AAK1: variants seen among roughly 807,000 people sequenced by gnomAD.
The protein encoded by AAK1 is AP2-associated protein kinase 1.
In AAK1, 37 loss-of-function variants were observed where a neutral mutation model predicts 116.0. The observed-to-expected ratio is 0.32, with a 90% CI of 0.25 to 0.42. AAK1 has a LOEUF of 0.42. Ranked by LOEUF, AAK1 falls within the 10% of genes least tolerant of loss-of-function variation. The pLI is 1.00. For synonymous variants in AAK1, 458 were observed against 439.9 expected (o/e 1.04, Z -0.51); for missense variants, 919 against 1,170.6 (o/e 0.79, Z 3.14).
intron 12 of AAK1, among the ~76,000 whole-genome samples, chr2:69,517,906 G>C (rs1025225690): frequency 6.6e-6 from 1 of 152,144 alleles, no homozygotes; most frequent in Admixed American, 6.5e-5. Context: ...TGGGAGGATG[G>C]CTTGAGGCCG....
chr2:69,598,866 G>T, intron 2 of AAK1: 1 of 278,654 alleles, frequency 3.6e-6, no homozygotes, highest in Non-Finnish European at 7.1e-6. Context: ...TGTCAACTCA[G>T]ATGTGTGATT....
intron 16 of AAK1, among the ~76,000 whole-genome samples, chr2:69,503,556 G>C (rs1028817025): frequency 5.3e-5 from 8 of 152,168 alleles, no homozygotes; most frequent in African/African-American, 1.9e-4. Flanking sequence ...ATCTCACGCT[G>C]TTGCCCAGGC....
At chr2:69,621,338 G>A (rs7557768) in intron 2 of AAK1, among the ~76,000 whole-genome samples, 2,289 of 152,268 alleles carry the variant, frequency 0.015, 60 homozygotes, top group African/African-American at 0.051. Flanking sequence ...GATTAGCCGG[G>A]CTTGGTGGTG....
At chr2:69,614,197 T>C (rs1424707702) in intron 2 of AAK1, among the ~76,000 whole-genome samples, 1 of 152,212 alleles carries the variant, frequency 6.6e-6, no homozygotes, top group Non-Finnish European at 1.5e-5. Context: ...AAATGCCTAC[T>C]TCTGTTTCAT....
intron 2 of AAK1, among the ~76,000 whole-genome samples, chr2:69,570,676 T>A (rs1004471715): frequency 6.6e-6 from 1 of 152,204 alleles, no homozygotes; most frequent in Non-Finnish European, 1.5e-5. Context: ...TCAGGGCTAA[T>A]ACAGTGCTTA....
At chr2:69,513,653 C>T (rs2104979757) in intron 13 of AAK1, among the ~76,000 whole-genome samples, 1 of 152,188 alleles carries the variant, frequency 6.6e-6, no homozygotes, top group East Asian at 1.9e-4. Flanking sequence ...TTCCTTTGTT[C>T]CTCTAGTAGT....
In AAK1 at chr2:69,467,549, A is replaced by T; in HGVS notation, c.*8320T>A. The stretch of plus-strand genomic sequence containing the variant: ...TTGGGGGTAAAGGTATCATTTCATC[A>T]TGGGCTCAGTAAAGAGATACTACTG... On this transcript the variant is annotated 3_prime_UTR_variant, in exon 22 of 22. Coordinates refer to ENST00000409085, the MANE Select transcript of AAK1 (RefSeq NM_014911.5). 1.0e-6 allele frequency: 1 copy of T among 985,424 alleles called. No individual in the cohort carries two copies. Among genetic ancestry groups the T allele is most frequent in the Non-Finnish European group, 1.2e-6 (1 of 829,922 alleles). 61.0% of individuals were successfully genotyped at this position (985,424 alleles called of 1,614,324 possible).
intron 17 of AAK1, among the ~76,000 whole-genome samples, chr2:69,486,974 C>T (rs1572886434): frequency 1.3e-5 from 2 of 152,146 alleles, no homozygotes; most frequent in East Asian, 3.8e-4. Flanking sequence ...TCAGCCTTCT[C>T]CTCTATGAAT....
intron 2 of AAK1, among the ~76,000 whole-genome samples, chr2:69,580,066 A>G (rs994880039): frequency 3.9e-5 from 6 of 152,020 alleles, no homozygotes; most frequent in African/African-American, 1.4e-4. Context: ...CCTCTCCCCA[A>G]TATCCAACTA....
intron 3 of AAK1, 108 bp downstream of exon 3, chr2:69,556,752 C>T (rs1394231960): frequency 7.7e-6 from 6 of 776,544 alleles, no homozygotes; most frequent in South Asian, 6.4e-5. Context: ...TGTACAGAGG[C>T]CTCTGTACCA....
chr2:69,616,054 G>A (rs940335164), intron 2 of AAK1, among the ~76,000 whole-genome samples: 6 of 152,154 alleles, frequency 3.9e-5, no homozygotes, highest in African/African-American at 1.2e-4. Context: ...TGGGCAACAC[G>A]GCAAAACCCT....
chr2:69,504,095 G>T (rs1405754524), intron 16 of AAK1, among the ~76,000 whole-genome samples: 2 of 151,854 alleles, frequency 1.3e-5, no homozygotes, highest in Admixed American at 6.6e-5. Context: ...TTCAAAATAT[G>T]ACTATAAAGA....
intron 8 of AAK1, among the ~76,000 whole-genome samples, chr2:69,528,751 G>T (rs1350610680): frequency 1.3e-5 from 2 of 152,134 alleles, no homozygotes; most frequent in Non-Finnish European, 2.9e-5. Context: ...CAAGCAGTTT[G>T]GGAAAGATGT....
chr2:69,513,935 T>G (rs1676486567), intron 13 of AAK1, among the ~76,000 whole-genome samples: 1 of 152,310 alleles, frequency 6.6e-6, no homozygotes, highest in South Asian at 2.1e-4. Context: ...CTCAAATGAC[T>G]GGATACTCAG....
In AAK1 at chr2:69,465,847, C is replaced by G. The variant is rs1266442519; in HGVS notation, c.*10022G>C. ...CCAGCTGTGGAATACTGAGCTTGGA[C>G]AGAGGTGTACACAGCTCTCTCACGG... On this transcript the variant is annotated 3_prime_UTR_variant, in exon 22 of 22. Coordinates refer to ENST00000409085, the MANE Select transcript of AAK1 (RefSeq NM_014911.5). 3.1e-6 allele frequency: 4 copies of G among 1,290,778 alleles called. No homozygotes were observed. The South Asian group carries it at 3.7e-5, about 12-fold the overall frequency. The allele number at this position is 1,290,778 out of a possible 1,614,324, so 80.0% of individuals were successfully genotyped here.
chr2:69,546,805 C>T (rs1456867407), intron 3 of AAK1, among the ~76,000 whole-genome samples: 1 of 145,572 alleles, frequency 6.9e-6, no homozygotes. Context: ...AAACTATTAC[C>T]AGCAGATGTT....
chr2:69,495,815 A>G (rs1381389030), intron 17 of AAK1, among the ~76,000 whole-genome samples, 170 bp downstream of exon 17: 1 of 152,200 alleles, frequency 6.6e-6, no homozygotes, highest in African/African-American at 2.4e-5. Context: ...GGTACCCTCC[A>G]GGACAAGTTT....
At chr2:69,534,348 G>GC (rs1167912128) in intron 5 of AAK1, among the ~76,000 whole-genome samples, 4 of 152,102 alleles carry the variant, frequency 2.6e-5, no homozygotes, top group Non-Finnish European at 5.9e-5. Context: ...ATTACTCAAG[G>GC]CCCCCATCCT....
intron 17 of AAK1, among the ~76,000 whole-genome samples, chr2:69,489,572 T>A (rs969748871): frequency 6.6e-6 from 1 of 151,762 alleles, no homozygotes; most frequent in African/African-American, 2.4e-5. Context: ...ACGGCAGGAC[T>A]CACAGACATG....
Sources: gnomAD v4.1 joint callset for allele counts (sites outside exome capture counted in the v4.1 genomes callset) on GRCh38, gnomAD v4.1.1 for gene constraint, MANE v1.5 for transcripts, NCBI Gene and HGNC (gene_info 2026-07-23, HGNC 2026-07-21) for gene names.